Variants in ADARB2 observed in about 807,000 individuals in gnomAD.
The protein encoded by ADARB2 is adenosine deaminase RNA specific B2 (inactive).
A neutral mutation model predicts 62.2 loss-of-function variants in ADARB2; 25 were observed. That is an observed-to-expected ratio of 0.40 (90% CI 0.29 to 0.56). The LOEUF (loss-of-function observed/expected upper bound fraction) is 0.56, where lower values mean the gene tolerates loss of function less well. ADARB2 is among the 20% of genes least tolerant of loss of function. ADARB2 has a pLI of 0.43. For missense variants in ADARB2, 1,071 were observed against 1,077.4 expected, an observed-to-expected ratio of 0.99 and a Z score of 0.08; for synonymous variants, 572 against 500.8, an observed-to-expected ratio of 1.14 and a Z score of -1.90.
At chr10:1,573,143 G>A (rs920861098) in intron 1 of ADARB2, among the ~76,000 whole-genome samples, 7 of 152,226 alleles carry the variant, frequency 4.6e-5, no homozygotes, top group Admixed American at 6.5e-5. Flanking sequence ...ATCTGCTGAC[G>A]TTTGTTTGGA....
At chr10:1,701,931 G>C (rs145206258) in intron 1 of ADARB2, among the ~76,000 whole-genome samples, 5 of 152,184 alleles carry the variant, frequency 3.3e-5, no homozygotes, top group African/African-American at 4.8e-5. Flanking sequence ...CCAGGCGCTC[G>C]TCAATACATT....
intron 1 of ADARB2, among the ~76,000 whole-genome samples, chr10:1,724,029 T>C (rs1395951580): frequency 6.6e-6 from 1 of 152,218 alleles, no homozygotes; most frequent in Non-Finnish European, 1.5e-5. Flanking sequence ...TTTCTCTCTG[T>C]CATGGGCTGA....
At position 1,255,987 on chromosome 10, in the gene ADARB2, G is replaced by C. The variant is rs951451430; in HGVS notation, c.1193-13688C>G. Among the ~76,000 whole-genome samples, 1 of 152,232 alleles carries C rather than the reference G, an allele frequency of 6.6e-6. No homozygotes were observed. The highest frequency in any genetic ancestry group is 1.5e-5 in the Non-Finnish European group (1 of 68,050). On this transcript the variant is annotated intron_variant, in intron 4 of 9. Transcript: ENST00000381312. This position sits in a 1 kb window ranked among gnomAD's most constrained non-coding sequence, Gnocchi z 4.7. ...ACTGAATTAACTTGACTTTTCCAAA[G>C]TATACTTGCGGGGCATGAGAATGGA...
intron 7 of ADARB2, among the ~76,000 whole-genome samples, chr10:1,205,034 C>T (rs187751436): frequency 0.012 from 1,864 of 152,254 alleles, 25 homozygotes; most frequent in Middle Eastern, 0.034. Context: ...GATGATGCCA[C>T]CTGGGACTGG....
At chr10:1,427,850 T>C (rs893118783) in intron 1 of ADARB2, among the ~76,000 whole-genome samples, 2 of 152,214 alleles carry the variant, frequency 1.3e-5, no homozygotes, top group Admixed American at 6.5e-5. Context: ...CAGTGGTGAA[T>C]GGTTAAACAC....
chr10:1,224,786 T>G (rs1449919522), intron 6 of ADARB2, among the ~76,000 whole-genome samples: 1 of 152,222 alleles, frequency 6.6e-6, no homozygotes, highest in Non-Finnish European at 1.5e-5. Context: ...AGAGACAGTT[T>G]GTTATAATTT....
At chr10:1,705,664 TC>T (rs1241851746) in intron 1 of ADARB2, among the ~76,000 whole-genome samples, 1 of 152,234 alleles carries the variant, frequency 6.6e-6, no homozygotes, top group Non-Finnish European at 1.5e-5. Context: ...ATCTATTTAT[TC>T]CCATCATTCA....
At chr10:1,264,849 A>G (rs78135131) in intron 4 of ADARB2, among the ~76,000 whole-genome samples, 3,899 of 152,342 alleles carry the variant, frequency 0.026, 61 homozygotes, top group Middle Eastern at 0.051. Context: ...TCAGTCCAAG[A>G]AAATTGTGGA....
chr10:1,363,407 C>T lies in ADARB2; in HGVS notation c.698G>A (p.Arg233His), dbSNP rs1358010815. 2.9e-6 allele frequency: 4 copies of T among 1,357,818 alleles called. No individual in the cohort carries two copies. Among genetic ancestry groups the T allele is most frequent in the South Asian group, 1.9e-5 (1 of 53,652 alleles). 84.1% of individuals were successfully genotyped at this position (1,357,818 alleles called of 1,614,324 possible). ...GGGGCGGCCTCCCGCGAGTCCGGGG[C>T]GCGGCGCCGGGGGCTCGAACTCCTG... ...LFQEFEPPAP[R>H]PGLAGGRPGD... The change falls in exon 3 of 10, where the codon CGC becomes CAC. Residue 233 changes from arginine (R) to histidine (H), a missense_variant. Physicochemically the swap from Arg to His is conservative, Grantham distance 29 (BLOSUM62 0). Coordinates refer to ENST00000381312, the MANE Select transcript of ADARB2 (RefSeq NM_018702.4).
chr10:1,730,801 T>A (rs1024178782), intron 1 of ADARB2, among the ~76,000 whole-genome samples: 1 of 152,210 alleles, frequency 6.6e-6, no homozygotes, highest in Admixed American at 6.6e-5. Flanking sequence ...TAACTATTGA[T>A]CATTTTTGTA....
At chr10:1,503,111 G>T (rs1831785823) in intron 1 of ADARB2, among the ~76,000 whole-genome samples, 1 of 152,198 alleles carries the variant, frequency 6.6e-6, no homozygotes, top group Admixed American at 6.5e-5. Flanking sequence ...CCACTATTTA[G>T]AGCTTTACTC....
chr10:1,328,362 A>G (rs563092344), intron 3 of ADARB2, among the ~76,000 whole-genome samples: 1 of 152,308 alleles, frequency 6.6e-6, no homozygotes, highest in South Asian at 2.1e-4. Context: ...TTGGCCTCGA[A>G]GAAAGGCTCT....
At chr10:1,309,503 C>T (rs540900273) in intron 3 of ADARB2, among the ~76,000 whole-genome samples, 10 of 152,312 alleles carry the variant, frequency 6.6e-5, no homozygotes, top group East Asian at 3.9e-4. Flanking sequence ...CTGGGAAGTC[C>T]GGTGGCTACC....
chr10:1,384,764 A>C (rs1339944240), intron 1 of ADARB2, among the ~76,000 whole-genome samples: 1 of 152,112 alleles, frequency 6.6e-6, no homozygotes, highest in Admixed American at 6.5e-5. Context: ...AGACAACTAG[A>C]ATTTGAGGGC....
At position 1,563,646 on chromosome 10, in the gene ADARB2, ATACTTT is replaced by A. The variant is rs529136506; in HGVS notation, c.100+173399_100+173404del. ...TTTTACTTTTTTTTTTATTATTATT[ATACTTT>A]AAGTTTTAGGGTACATGTGCACAAT... On this transcript the variant is annotated intron_variant, in intron 1 of 9. Coordinates refer to ENST00000381312, the MANE Select transcript of ADARB2 (RefSeq NM_018702.4). 5.3e-5 allele frequency among the ~76,000 whole-genome samples: 8 copies of A among 151,750 alleles called. 1 individual carries two copies. In the South Asian group the frequency reaches 1.5e-3, roughly 28 times the overall value.
At position 1,426,587 on chromosome 10, in the gene ADARB2, C is replaced by A. The variant is rs966073722; in HGVS notation, c.101-47427G>T. 1.3e-5 allele frequency among the ~76,000 whole-genome samples: 2 copies of A among 152,172 alleles called. No individual in the cohort carries two copies. Among genetic ancestry groups the A allele is most frequent in the African/African-American group, 2.4e-5 (1 of 41,440 alleles). On this transcript the variant is annotated intron_variant, in intron 1 of 9. Transcript: ENST00000381312. The surrounding 1 kb of genome is among the most constrained non-coding windows in gnomAD (Gnocchi z 4.1). ...GTTGTGGCCTTGGAAGGAAAAGCCTCCAGCTCTGAGTCTGCTGCCAGGTGG... is the reference window on the plus strand; with the variant it reads ...GTTGTGGCCTTGGAAGGAAAAGCCTACAGCTCTGAGTCTGCTGCCAGGTGG...
At chr10:1,310,331 T>A (rs1462804151) in intron 3 of ADARB2, among the ~76,000 whole-genome samples, 1 of 151,884 alleles carries the variant, frequency 6.6e-6, no homozygotes, top group Admixed American at 6.6e-5. Flanking sequence ...GGCTCAGCAC[T>A]CCTGCTAACC....
intron 1 of ADARB2, among the ~76,000 whole-genome samples, chr10:1,512,787 C>T (rs1831952789): frequency 6.6e-6 from 1 of 152,104 alleles, no homozygotes; most frequent in South Asian, 2.1e-4. Context: ...CTTACGTGTC[C>T]CAGTGAGATG....
chr10:1,557,591 A>G (rs57134239), intron 1 of ADARB2, among the ~76,000 whole-genome samples: 2,512 of 152,238 alleles, frequency 0.017, 70 homozygotes, highest in African/African-American at 0.055. Context: ...GCTGTTGCCC[A>G]CATTTGTTTA....
Sources: allele counts gnomAD v4.1 joint callset (sites outside exome capture counted in the v4.1 genomes callset), GRCh38; gene constraint gnomAD v4.1.1; non-coding constraint Gnocchi (gnomAD v3.1); transcripts MANE v1.5; gene names NCBI Gene and HGNC (gene_info 2026-07-23, HGNC 2026-07-21).